WDFY4: variants seen among roughly 807,000 people sequenced by gnomAD.
WDFY4 encodes WDFY family member 4, also known as WD repeat- and FYVE domain-containing protein 4.
In WDFY4, 169 loss-of-function variants were observed where a neutral mutation model predicts 351.9. The ratio of observed to expected loss-of-function variants is 0.48; its 90% CI spans 0.42 to 0.55. WDFY4 has a LOEUF of 0.55. Ranked by LOEUF, WDFY4 falls within the 20% of genes least tolerant of loss-of-function variation. WDFY4 has a pLI of 0.00. For synonymous variants in WDFY4, 1,622 were observed against 1,574.6 expected (o/e 1.03, Z -0.71); for missense variants, 3,803 against 3,935.6 (o/e 0.97, Z 0.90).
chr10:48,702,754 G>T lies in WDFY4; in HGVS notation c.-17-6962G>T, dbSNP rs951897865. ...AGTTTTCATTTCTCTAGGATGAATA[G>T]CTAGGGGTGGAATTCCTGGGGGTAT... On this transcript the variant is annotated intron_variant, in intron 1 of 61. Coordinates refer to ENST00000325239, the MANE Select transcript of WDFY4 (RefSeq NM_001394531.1). Among the ~76,000 whole-genome samples the T allele has an allele frequency of 5.9e-5, 9 of 152,186 alleles. 1 individual carries two copies. The highest frequency in any genetic ancestry group is 1.9e-4 in the African/African-American group (8 of 41,550).
intron 47 of WDFY4, among the ~76,000 whole-genome samples, chr10:48,922,795 C>T (rs141874926): frequency 1.6e-4 from 25 of 152,284 alleles, no homozygotes; most frequent in African/African-American, 6.0e-4. Context: ...CAAACGTCTA[C>T]ATGAATGGAA....
intron 48 of WDFY4, among the ~76,000 whole-genome samples, chr10:48,942,130 A>G (rs951706436): frequency 3.3e-5 from 5 of 152,060 alleles, no homozygotes; most frequent in Middle Eastern, 6.8e-3. Context: ...AGGCCAAGCG[A>G]ATTTTTGTAT....
At chr10:48,789,036 T>C (rs2066590866) in intron 21 of WDFY4, among the ~76,000 whole-genome samples, 1 of 151,924 alleles carries the variant, frequency 6.6e-6, no homozygotes, top group Non-Finnish European at 1.5e-5. Context: ...ATTTTTTTAA[T>C]TTTAATTTTT....
At chr10:48,950,767 A>C (rs1841284772) in intron 51 of WDFY4, among the ~76,000 whole-genome samples, 1 of 152,198 alleles carries the variant, frequency 6.6e-6, no homozygotes, top group Admixed American at 6.5e-5. Context: ...GTGCAGCATC[A>C]CACACAGGTG....
intron 39 of WDFY4, among the ~76,000 whole-genome samples, chr10:48,844,113 C>T (rs909645862): frequency 6.6e-6 from 1 of 152,170 alleles, no homozygotes; most frequent in Non-Finnish European, 1.5e-5. Context: ...GCCCTGGGAC[C>T]CATCTATTAT....
chr10:48,941,827 G>T lies in WDFY4; in HGVS notation c.7608G>T (p.Arg2536Ser), dbSNP rs1239658894. 5.2e-6 allele frequency: 8 copies of T among 1,552,246 alleles called. No individual in the cohort carries two copies. The highest frequency in any genetic ancestry group is 1.4e-5 in the African/African-American group (1 of 73,180). Residue 2536 changes from arginine (R) to serine (S), a missense_variant, in exon 48 of 62, where the codon AGG becomes AGT. Physicochemically the swap from Arg to Ser is moderately radical, Grantham distance 110. Coordinates refer to ENST00000325239, the MANE Select transcript of WDFY4 (RefSeq NM_001394531.1). ...ACAGGAGATACCCCGGCTCTGACAG[G>T]ATCATGCTGCAGAAGTGGCAGGTAC... ...LSLRRYPGSD[R>S]IMLQKWQKRD...
intron 40 of WDFY4, among the ~76,000 whole-genome samples, chr10:48,871,195 A>G (rs1025624139): frequency 1.3e-5 from 2 of 152,218 alleles, no homozygotes; most frequent in Non-Finnish European, 1.5e-5. Flanking sequence ...TCAGCCTCCC[A>G]AAGTGCTGGG....
At chr10:48,814,521 C>A (rs897615248) in intron 31 of WDFY4, among the ~76,000 whole-genome samples, 13 of 152,152 alleles carry the variant, frequency 8.5e-5, no homozygotes, top group African/African-American at 3.1e-4. Flanking sequence ...TTAATTTGAG[C>A]CTTCAAGGTC....
chr10:48,740,096 T>C (rs1349402972), intron 11 of WDFY4, among the ~76,000 whole-genome samples: 1 of 152,210 alleles, frequency 6.6e-6, no homozygotes, highest in East Asian at 1.9e-4. Context: ...ATTCATTCCA[T>C]TTGCCTTAAA....
chr10:48,821,141 A>G lies in WDFY4; in HGVS notation c.5789A>G (p.His1930Arg). Residue 1930 changes from histidine (H) to arginine (R), a missense_variant, in exon 34 of 62, where the codon CAC becomes CGC. Transcript: ENST00000325239. ...EVLLSAMELFHMTSGGDAAMF... is the reference protein window; with the variant it reads ...EVLLSAMELFRMTSGGDAAMF... ...CTGCTTTCTGCTATGGAACTATTCC[A>G]CATGACAAGTGGAGGTGATGCAGCG... is the stretch of plus-strand genomic sequence containing the variant. 1 of 1,551,652 alleles carries G rather than the reference A, an allele frequency of 6.4e-7. No individual in the cohort carries two copies. Among genetic ancestry groups the G allele is most frequent in the Non-Finnish European group, 8.7e-7 (1 of 1,146,950 alleles).
At chr10:48,784,842 A>G (rs10776645) in intron 19 of WDFY4, among the ~76,000 whole-genome samples, 40,403 of 130,286 alleles carry the variant, frequency 0.31, 6,701 homozygotes, top group East Asian at 0.7. Flanking sequence ...ACCCAGTTGC[A>G]TCGTTTACTT....
At chr10:48,697,881 G>A (rs1433685755) in intron 1 of WDFY4, among the ~76,000 whole-genome samples, 1 of 152,104 alleles carries the variant, frequency 6.6e-6, no homozygotes, top group Non-Finnish European at 1.5e-5. Flanking sequence ...TTGTCCCACG[G>A]CCCCCATGTC....
intron 28 of WDFY4, among the ~76,000 whole-genome samples, chr10:48,810,118 A>G (rs1338035570): frequency 6.6e-6 from 1 of 152,198 alleles, no homozygotes; most frequent in Non-Finnish European, 1.5e-5. Context: ...ATAAATTTTG[A>G]CTAGTGTCTT....
At chr10:48,751,909 G>A (rs559711585) in intron 12 of WDFY4, among the ~76,000 whole-genome samples, 100 of 152,280 alleles carry the variant, frequency 6.6e-4, no homozygotes, top group African/African-American at 1.9e-3. Flanking sequence ...ACTGGTTCAC[G>A]TCCTGCAAAG....
intron 39 of WDFY4, among the ~76,000 whole-genome samples, chr10:48,862,250 AT>A (rs2069370141): frequency 6.6e-6 from 1 of 152,106 alleles, no homozygotes; most frequent in African/African-American, 2.4e-5. Context: ...TCTGGATTTT[AT>A]TTTTCCCTAA....
intron 25 of WDFY4, among the ~76,000 whole-genome samples, chr10:48,804,399 T>C (rs2067184103): frequency 6.6e-6 from 1 of 152,160 alleles, no homozygotes; most frequent in South Asian, 2.1e-4. Flanking sequence ...TGTTCAGTGC[T>C]GTCAGAGGAA....
At position 48,900,237 on chromosome 10, in the gene WDFY4, T is replaced by C. The variant is rs1375643638; in HGVS notation, c.7454T>C (p.Ile2485Thr). Residue 2485 changes from isoleucine to threonine, a missense_variant, in exon 46 of 62, where the codon ATC (isoleucine) becomes ACC (threonine). Ile to Thr is a moderately conservative substitution (Grantham distance 89, BLOSUM62 -1). Transcript: ENST00000325239. ...TCTTCACAGGACATCGCCCTGGAGA[T>C]CTTCTTCCACAATGGATATTCCAAG... ...RFLLQDIALE[I>T]FFHNGYSKFL... 1.3e-6 allele frequency: 2 copies of C among 1,551,668 alleles called. No individual in the cohort carries two copies. Among genetic ancestry groups the C allele is most frequent in the Non-Finnish European group, 8.7e-7 (1 of 1,146,960 alleles).
chr10:48,957,789 C>T (rs1841671023), intron 52 of WDFY4, among the ~76,000 whole-genome samples: 1 of 152,220 alleles, frequency 6.6e-6, no homozygotes, highest in Non-Finnish European at 1.5e-5. Context: ...GAACTGCAGG[C>T]CCCAGCCTAT....
chr10:48,933,274 A>G (rs1840142796), intron 47 of WDFY4, among the ~76,000 whole-genome samples: 1 of 152,230 alleles, frequency 6.6e-6, no homozygotes. Flanking sequence ...TTTGCCCAGC[A>G]CAAAGTCTAA....
Sources: gnomAD v4.1 joint callset for allele counts (sites outside exome capture counted in the v4.1 genomes callset) on GRCh38, gnomAD v4.1.1 for gene constraint, MANE v1.5 for transcripts, NCBI Gene and HGNC (gene_info 2026-07-23, HGNC 2026-07-21) for gene names.